Variants in GRM5 observed in about 807,000 individuals in gnomAD.
The protein encoded by GRM5 is metabotropic glutamate receptor 5.
A neutral mutation model predicts 83.1 loss-of-function variants in GRM5; 19 were observed. The observed-to-expected ratio is 0.23, with a 90% CI of 0.16 to 0.34. The LOEUF is 0.34. Among genes scored for constraint, GRM5 ranks in the 10% least tolerant of loss-of-function variants. The probability of loss-of-function intolerance (pLI) is 1.00; values close to 1 mark genes in which losing one functional copy is unlikely to be tolerated. For synonymous variants in GRM5, 675 were observed against 633.6 expected (o/e 1.07, Z -0.98); for missense variants, 1,160 against 1,588.3 (o/e 0.73, Z 4.58).
At chr11:89,065,540 T>C (rs1942083692) in intron 1 of GRM5, among the ~76,000 whole-genome samples, 1 of 152,130 alleles carries the variant, frequency 6.6e-6, no homozygotes, top group African/African-American at 2.4e-5. Context: ...AATTTATGTC[T>C]GATTCACACA....
intron 3 of GRM5, among the ~76,000 whole-genome samples, chr11:88,662,182 C>A (rs1939924045): frequency 6.6e-6 from 1 of 152,084 alleles, no homozygotes; most frequent in Non-Finnish European, 1.5e-5. Flanking sequence ...GTTTTTACAT[C>A]TGAGGAAACT....
intron 2 of GRM5, among the ~76,000 whole-genome samples, chr11:88,864,135 C>T (rs1435825275): frequency 6.8e-6 from 1 of 146,980 alleles, no homozygotes; most frequent in Non-Finnish European, 1.5e-5. Flanking sequence ...AGAGCATAGG[C>T]AGGTTAAAGT....
chr11:89,058,122 T>C (rs1438617057), intron 1 of GRM5, among the ~76,000 whole-genome samples: 2 of 152,210 alleles, frequency 1.3e-5, no homozygotes, highest in African/African-American at 4.8e-5. Flanking sequence ...ACCTCATGCA[T>C]TGATTGCAAA....
intron 4 of GRM5, among the ~76,000 whole-genome samples, chr11:88,638,082 A>G (rs933115489): frequency 2.7e-5 from 4 of 146,730 alleles, no homozygotes; most frequent in Admixed American, 1.4e-4. Flanking sequence ...GCGTATTCTC[A>G]CTCTTAGGTG....
chr11:88,623,096 T>C (rs1458493966), intron 4 of GRM5, among the ~76,000 whole-genome samples: 4 of 152,034 alleles, frequency 2.6e-5, no homozygotes, highest in Non-Finnish European at 5.9e-5. Context: ...TTATTTTTTA[T>C]TTTTTTGAGA....
chr11:88,671,486 C>A (rs1028066756), intron 3 of GRM5, among the ~76,000 whole-genome samples: 1 of 151,992 alleles, frequency 6.6e-6, no homozygotes, highest in Non-Finnish European at 1.5e-5. Context: ...TTCACAGTAG[C>A]ACTATTTGAA....
At chr11:89,033,856 A>C (rs1378091889) in intron 2 of GRM5, among the ~76,000 whole-genome samples, 1 of 151,894 alleles carries the variant, frequency 6.6e-6, no homozygotes, top group Non-Finnish European at 1.5e-5. Flanking sequence ...AAAAGCTAAG[A>C]CTCAGAAAAA....
intron 3 of GRM5, among the ~76,000 whole-genome samples, chr11:88,826,096 A>T (rs1163109003): frequency 6.6e-6 from 1 of 152,196 alleles, no homozygotes; most frequent in Non-Finnish European, 1.5e-5. Flanking sequence ...AAGGTATATG[A>T]ACAAATGCGG....
At chr11:88,774,374 AT>A (rs1312872709) in intron 3 of GRM5, among the ~76,000 whole-genome samples, 1 of 152,208 alleles carries the variant, frequency 6.6e-6, no homozygotes, top group Non-Finnish European at 1.5e-5. Context: ...TTTTCTAAAC[AT>A]ACAATCATGT....
chr11:88,704,085 T>G (rs1321503023), intron 3 of GRM5, among the ~76,000 whole-genome samples: 3 of 152,042 alleles, frequency 2.0e-5, no homozygotes, highest in African/African-American at 4.8e-5. Flanking sequence ...TTGTGGTGCA[T>G]GCATATGGAA....
chr11:88,737,180 A>C (rs1475545112), intron 3 of GRM5, among the ~76,000 whole-genome samples: 1 of 152,078 alleles, frequency 6.6e-6, no homozygotes, highest in Non-Finnish European at 1.5e-5. Flanking sequence ...ACATTCTCAT[A>C]AGTTACTGCT....
At chr11:88,742,712 TA>T (rs1336315515) in intron 3 of GRM5, among the ~76,000 whole-genome samples, 1 of 152,168 alleles carries the variant, frequency 6.6e-6, no homozygotes, top group Admixed American at 6.6e-5. Flanking sequence ...TGGCAGTTTG[TA>T]GAAAAGGAAT....
chr11:88,715,793 G>A (rs1941387422), intron 3 of GRM5, among the ~76,000 whole-genome samples: 1 of 152,000 alleles, frequency 6.6e-6, no homozygotes, highest in African/African-American at 2.4e-5. Context: ...AATTTGCTCA[G>A]TTTTATTTTC....
intron 3 of GRM5, among the ~76,000 whole-genome samples, chr11:88,771,496 T>A (rs1361132312): frequency 6.6e-6 from 1 of 152,056 alleles, no homozygotes; most frequent in East Asian, 1.9e-4. Flanking sequence ...GAGGAACAGA[T>A]GGGAGCATGT....
intron 2 of GRM5, among the ~76,000 whole-genome samples, chr11:88,935,899 A>G (rs867499465): frequency 7.9e-5 from 12 of 152,102 alleles, no homozygotes; most frequent in African/African-American, 2.9e-4. Flanking sequence ...TTGGGGTAAC[A>G]CTAATTAAAA....
chr11:88,925,922 A>C (rs769211071), intron 2 of GRM5: 166 of 276,782 alleles, frequency 6.0e-4, no homozygotes, highest in Non-Finnish European at 1.1e-3. Context: ...AAAAATAAAA[A>C]AGTGAGGCAC....
rs1242851343 is a variant in GRM5 at position 88,525,339 on chromosome 11, A to T, written c.2696T>A (p.Met899Lys). The T allele has an allele frequency of 3.1e-6, 5 of 1,611,042 alleles. No homozygotes were observed. The highest frequency in any genetic ancestry group is 3.3e-4 in the Middle Eastern group (2 of 6,046). ...CATTGTTGCTCTCCCACCATTCCCCATACTCCCTTTGGGGGTGAAACACTC... is the reference window on the plus strand; with the variant it reads ...CATTGTTGCTCTCCCACCATTCCCCTTACTCCCTTTGGGGGTGAAACACTC... The part of the protein sequence containing the change: ...EIECFTPKGS[M>K]GNGGRATMSS... The change falls in exon 9 of 10, where the codon ATG (methionine) becomes AAG (lysine). Residue 899 changes from methionine to lysine, a missense_variant. Transcript: ENST00000305447.
intron 2 of GRM5, among the ~76,000 whole-genome samples, chr11:88,986,343 G>C (rs796885715): frequency 5.9e-5 from 9 of 152,262 alleles, no homozygotes; most frequent in African/African-American, 2.2e-4. Flanking sequence ...TCAGAAAAAA[G>C]AGAAAATGGA....
At chr11:88,995,758 A>G (rs1170816818) in intron 2 of GRM5, among the ~76,000 whole-genome samples, 2 of 152,092 alleles carry the variant, frequency 1.3e-5, no homozygotes, top group African/African-American at 2.4e-5. Flanking sequence ...TGATTGAAAA[A>G]TGGTATATAG....
Sources: gnomAD v4.1 joint callset for allele counts (sites outside exome capture counted in the v4.1 genomes callset) on GRCh38, gnomAD v4.1.1 for gene constraint, MANE v1.5 for transcripts, NCBI Gene and HGNC (gene_info 2026-07-23, HGNC 2026-07-21) for gene names.